Variants in TMC5 observed in about 807,000 individuals in gnomAD.
TMC5 encodes transmembrane channel like 5.
Under a neutral mutation model 110.5 loss-of-function variants are expected in TMC5, and 86 were observed. The ratio of observed to expected loss-of-function variants is 0.78; its 90% confidence interval spans 0.65 to 0.93. TMC5 has a LOEUF of 0.93. Ranked by LOEUF, TMC5 falls within the 40% of genes least tolerant of loss-of-function variation. The probability of loss-of-function intolerance (pLI) is 0.00; values close to 1 mark genes in which losing one functional copy is unlikely to be tolerated. For missense variants in TMC5, 1,144 were observed against 1,222.8 expected (o/e 0.94, Z 0.96); for synonymous variants, 455 against 439.5 (o/e 1.04, Z -0.44).
intron 5 of TMC5, among the ~76,000 whole-genome samples, chr16:19,456,212 AAAAAAT>A (rs977016597): frequency 2.8e-5 from 4 of 143,308 alleles, no homozygotes; most frequent in East Asian, 1.9e-4. Context: ...ATCTCAAAAA[AAAAAAT>A]ATATATATAC....
chr16:19,470,809 A>AT (rs1350631221), intron 10 of TMC5, among the ~76,000 whole-genome samples: 1 of 151,076 alleles, frequency 6.6e-6, no homozygotes, highest in Non-Finnish European at 1.5e-5. Context: ...CGAGGCAGGC[A>AT]TATCATGAGG....
At chr16:19,446,984 C>T (rs1391541413) in intron 4 of TMC5, among the ~76,000 whole-genome samples, 1 of 151,926 alleles carries the variant, frequency 6.6e-6, no homozygotes, top group Non-Finnish European at 1.5e-5. Context: ...AGTGCCTGGC[C>T]CACAGTAGGT....
At chr16:19,459,102 T>C (rs1567311493) in intron 5 of TMC5, among the ~76,000 whole-genome samples, 1 of 151,362 alleles carries the variant, frequency 6.6e-6, no homozygotes, top group Non-Finnish European at 1.5e-5. Context: ...AGCACACACC[T>C]CTCAGAGGAC....
At chr16:19,456,847 A>T in intron 5 of TMC5, 1 of 1,614,222 alleles carries the variant, frequency 6.2e-7, no homozygotes, top group Non-Finnish European at 8.5e-7. Flanking sequence ...TTTTGTCAAT[A>T]TCTGACATTG....
intron 4 of TMC5, among the ~76,000 whole-genome samples, chr16:19,447,582 CTATT>C (rs1290547213): frequency 1.3e-5 from 2 of 151,990 alleles, no homozygotes; most frequent in African/African-American, 4.8e-5. Context: ...ATTATTATCC[CTATT>C]TATTTATTTA....
intron 1 of TMC5, among the ~76,000 whole-genome samples, chr16:19,424,664 T>C (rs1967054465): frequency 6.6e-6 from 1 of 151,630 alleles, no homozygotes; most frequent in Non-Finnish European, 1.5e-5. Flanking sequence ...AAAAAGAATA[T>C]GATAAAGGAT....
chr16:19,432,463 A>G (rs966195248), intron 2 of TMC5, among the ~76,000 whole-genome samples: 7 of 152,214 alleles, frequency 4.6e-5, no homozygotes, highest in Non-Finnish European at 2.9e-5. Flanking sequence ...CCAAGGCAAC[A>G]GGAAACAGTA....
chr16:19,424,309 ATAT>A (rs1323471557), intron 1 of TMC5, among the ~76,000 whole-genome samples: 1 of 152,210 alleles, frequency 6.6e-6, no homozygotes, highest in African/African-American at 2.4e-5. Flanking sequence ...AAACCATATC[ATAT>A]TATGGTAACC....
chr16:19,431,528 G>A (rs1967195976), intron 2 of TMC5, among the ~76,000 whole-genome samples: 1 of 150,730 alleles, frequency 6.6e-6, no homozygotes, highest in South Asian at 2.1e-4. Flanking sequence ...GGCAACAGGA[G>A]GGACCTTCCA....
At chr16:19,456,784 C>G in intron 5 of TMC5, 1 of 1,614,116 alleles carries the variant, frequency 6.2e-7, no homozygotes, top group Non-Finnish European at 8.5e-7. Context: ...GCCACCCATC[C>G]TCAAATCAGA....
At chr16:19,486,768 T>C (rs1968752527) in intron 15 of TMC5, among the ~76,000 whole-genome samples, 177 bp from the exon 16 acceptor site, 1 of 152,122 alleles carries the variant, frequency 6.6e-6, no homozygotes, top group Admixed American at 6.6e-5. Context: ...TCAAAGGCCC[T>C]GTCTCCAAAT....
chr16:19,420,532 T>G (rs1279327405), intron 1 of TMC5, among the ~76,000 whole-genome samples: 1 of 152,182 alleles, frequency 6.6e-6, no homozygotes, highest in African/African-American at 2.4e-5. Context: ...ATGATCATAG[T>G]GCACTGCAGC....
chr16:19,442,099 G>A lies in TMC5; in HGVS notation c.788+1273G>A, dbSNP rs1342828196. Among the ~76,000 whole-genome samples, 4 of 151,830 alleles carry A rather than the reference G, an allele frequency of 2.6e-5. No individual in the cohort carries two copies. In the East Asian group the frequency reaches 7.8e-4, roughly 30 times the overall value. ...ATTACAGGCGTGAGCCACTGCACCTGGCCTAAGGCCATTTTTAAGTAGCAA... is the reference window on the plus strand; with the variant it reads ...ATTACAGGCGTGAGCCACTGCACCTAGCCTAAGGCCATTTTTAAGTAGCAA... On this transcript the variant is annotated intron_variant, in intron 3 of 21. Transcript: ENST00000542583.
intron 10 of TMC5, among the ~76,000 whole-genome samples, chr16:19,470,988 A>G (rs940184310): frequency 1.3e-5 from 2 of 152,142 alleles, no homozygotes; most frequent in Non-Finnish European, 2.9e-5. Context: ...GTGAGCCAAG[A>G]TCGCGCCACT....
rs562061907 is a variant in TMC5, at chr16:19,433,243, T to C, written c.-80+2603T>C. The stretch of plus-strand genomic sequence containing the variant: ...GTAGGTGCAGGTGGGCTGTGAGCCA[T>C]GCAGTCATGCAGGAACCCGGGCTGG... On this transcript the variant is annotated intron_variant, in intron 2 of 21. Transcript: ENST00000542583. 7.2e-5 allele frequency among the ~76,000 whole-genome samples: 11 copies of C among 152,330 alleles called. No individual in the cohort carries two copies. The South Asian group carries it at 2.1e-3, about 29-fold the overall frequency.
At chr16:19,434,081 A>T (rs1439127531) in intron 2 of TMC5, among the ~76,000 whole-genome samples, 10 of 3,908 alleles carry the variant, frequency 2.6e-3, no homozygotes, top group African/African-American at 0.019. Flanking sequence ...ATTATATATA[A>T]TATATATATA....
In TMC5 at chr16:19,438,406, A is replaced by G. The variant is rs1160438718; in HGVS notation, c.-79-1554A>G. On this transcript the variant is annotated intron_variant, in intron 2 of 21. Coordinates refer to ENST00000542583, the MANE Select transcript of TMC5 (RefSeq NM_001261841.2). ...ACACCCTGTCAAAAAAAAAAAAAAA[A>G]AAGAAGAAAGAAAAGAAAAAGAAAG... Among the ~76,000 whole-genome samples the G allele has an allele frequency of 1.0e-4, 11 of 105,606 alleles. No homozygotes were observed. In the East Asian group the frequency reaches 2.0e-3, roughly 19 times the overall value. The allele number at this position is 105,606 out of a possible 152,430, so 69.3% of individuals were successfully genotyped here. A position where few individuals can be genotyped will look rare whatever the true frequency, so the allele number is the denominator to read the frequency against.
intron 4 of TMC5, among the ~76,000 whole-genome samples, chr16:19,446,777 A>G (rs1284552121): frequency 6.6e-6 from 1 of 152,220 alleles, no homozygotes; most frequent in Non-Finnish European, 1.5e-5. Context: ...AGAACATTGG[A>G]AGATAAAATA....
At chr16:19,463,116 C>T (rs976945679) in intron 6 of TMC5, among the ~76,000 whole-genome samples, 164 bp from the exon 7 acceptor site, 1 of 151,964 alleles carries the variant, frequency 6.6e-6, no homozygotes, top group African/African-American at 2.4e-5. Context: ...GAGACAAGGT[C>T]CCACTATTTT....
Sources: gnomAD v4.1 joint callset for allele counts (sites outside exome capture counted in the v4.1 genomes callset) on GRCh38, gnomAD v4.1.1 for gene constraint, MANE v1.5 for transcripts, NCBI Gene and HGNC (gene_info 2026-07-23, HGNC 2026-07-21) for gene names.